Variants in ESRRB observed in about 807,000 individuals in gnomAD.
The protein encoded by ESRRB is estrogen related receptor beta, also known as steroid hormone receptor ERR2.
A neutral mutation model predicts 46.0 loss-of-function variants in ESRRB; 16 were observed. The observed-to-expected ratio is 0.35, with a 90% confidence interval of 0.24 to 0.53. The LOEUF is 0.53. Among genes scored for constraint, ESRRB ranks in the 20% least tolerant of loss-of-function variants. ESRRB has a pLI of 0.93. For synonymous variants in ESRRB, 246 were observed against 259.6 expected, an observed-to-expected ratio of 0.95 and a Z score of 0.50; for missense variants, 488 against 607.4, an observed-to-expected ratio of 0.80 and a Z score of 2.07.
In ESRRB at chr14:76,443,243, G is replaced by A. The variant is rs1887995199; in HGVS notation, c.460+3493G>A. ...GACCTCAGTTTTCTTAACTATCCCA[G>A]AAGGACCCCTTTACCATCTTTGTCA... On this transcript the variant is annotated intron_variant, in intron 2 of 6. Transcript: ENST00000644823. 3.9e-5 allele frequency among the ~76,000 whole-genome samples: 6 copies of A among 152,166 alleles called. No individual in the cohort carries two copies. In the South Asian group the frequency reaches 1.2e-3, roughly 32 times the overall value.
chr14:76,333,425 T>TG lies in ESRRB; in HGVS notation c.2+22509_2+22510insG, dbSNP rs1555389446. 9.5e-4 allele frequency among the ~76,000 whole-genome samples: 52 copies of TG among 54,916 alleles called. 6 individuals are homozygous for TG. The highest frequency in any genetic ancestry group is 3.0e-3 in the East Asian group (7 of 2,308). 36.0% of individuals were successfully genotyped at this position (54,916 alleles called of 152,430 possible). ...TTATATATGATATATTTATATCATA[T>TG]ATATATTTATATATGATATATAAGT... is the stretch of plus-strand genomic sequence containing the variant. On this transcript the variant is annotated intron_variant, in intron 1 of 6. Transcript: ENST00000512784.
intron 1 of ESRRB, among the ~76,000 whole-genome samples, chr14:76,406,880 G>A (rs1202251789): frequency 6.6e-6 from 1 of 152,252 alleles, no homozygotes; most frequent in African/African-American, 2.4e-5. Context: ...AGAGTCCTCT[G>A]TTATTGATTA....
upstream of ESRRB, among the ~76,000 whole-genome samples, chr14:76,368,875 A>C (rs1186260356): frequency 6.6e-6 from 1 of 152,170 alleles, no homozygotes. Context: ...GTCAGCCAGC[A>C]CTTTTCTCGT....
chr14:76,368,952 T>G (rs559638978), upstream of ESRRB, among the ~76,000 whole-genome samples: 1 of 152,208 alleles, frequency 6.6e-6, no homozygotes, highest in African/African-American at 2.4e-5. Flanking sequence ...ATCCCAGCAC[T>G]CTGGGAGGCC....
chr14:76,497,846 G>T (rs753855037), intron 6 of ESRRB, among the ~76,000 whole-genome samples: 1 of 152,112 alleles, frequency 6.6e-6, no homozygotes, highest in Non-Finnish European at 1.5e-5. Context: ...CTTGAGGTAG[G>T]CATGGCTATT....
At chr14:76,491,070 C>T (rs1385500135) in intron 5 of ESRRB, among the ~76,000 whole-genome samples, 2 of 152,326 alleles carry the variant, frequency 1.3e-5, no homozygotes, top group South Asian at 2.1e-4. Flanking sequence ...GCCGAGAGCA[C>T]GTACTGCTGC....
At chr14:76,388,450 G>T (rs1389733498) in intron 1 of ESRRB, among the ~76,000 whole-genome samples, 1 of 152,094 alleles carries the variant, frequency 6.6e-6, no homozygotes, top group African/African-American at 2.4e-5. Flanking sequence ...CTCCCAAAGT[G>T]CTGGGATTAC....
In ESRRB at chr14:76,501,026, C is replaced by T. The variant is rs1477677507; in HGVS notation, c.*2568C>T. 1 of 476,324 alleles carries T rather than the reference C, an allele frequency of 2.1e-6. No homozygotes were observed. Among genetic ancestry groups the T allele is most frequent in the African/African-American group, 1.9e-5 (1 of 51,400 alleles). The allele number at this position is 476,324 out of a possible 1,614,324, so 29.5% of individuals were successfully genotyped here. ...GCTGGAATCCTGGCCAGATGAGGAC[C>T]CTCTCCGGGGAAGGGAGAGGACTGA... On this transcript the variant is annotated 3_prime_UTR_variant, in exon 7 of 7. Coordinates refer to ENST00000644823, the MANE Select transcript of ESRRB (RefSeq NM_001379180.1).
intron 1 of ESRRB, among the ~76,000 whole-genome samples, chr14:76,432,116 T>C (rs1887472436): frequency 6.6e-6 from 1 of 152,216 alleles, no homozygotes. Flanking sequence ...TCTTCCCTCA[T>C]ACTTCTAAGT....
intron 5 of ESRRB, among the ~76,000 whole-genome samples, chr14:76,487,673 G>T (rs1482033801): frequency 6.6e-6 from 1 of 151,780 alleles, no homozygotes; most frequent in Non-Finnish European, 1.5e-5. Flanking sequence ...GCATGATCTT[G>T]GCTCACTGGA....
intron 1 of ESRRB, among the ~76,000 whole-genome samples, chr14:76,337,797 T>A (rs1456861469): frequency 6.6e-6 from 1 of 152,208 alleles, no homozygotes; most frequent in Non-Finnish European, 1.5e-5. Flanking sequence ...GAACACTGCC[T>A]CCTTTGCCCA....
intron 1 of ESRRB, among the ~76,000 whole-genome samples, chr14:76,380,127 C>T (rs988902911): frequency 5.3e-5 from 8 of 152,140 alleles, no homozygotes; most frequent in African/African-American, 1.9e-4. Context: ...GATAACTGGA[C>T]ATTTTGCCAA....
At position 76,462,602 on chromosome 14, in the gene ESRRB, G is replaced by A. The variant is rs770339996; in HGVS notation, c.518G>A (p.Arg173His). Residue 173 changes from arginine to histidine, a missense_variant, in exon 3 of 7, where the codon CGC (arginine) becomes CAC (histidine). Physicochemically the swap from Arg to His is conservative, Grantham distance 29 (BLOSUM62 0). Transcript: ENST00000644823. Reference sequence around the variant, plus strand: ...GAGTGCGAGATCACCAAACGGAGGCGCAAGTCCTGCCAGGCCTGCCGCTTC... The same window carrying A: ...GAGTGCGAGATCACCAAACGGAGGCACAAGTCCTGCCAGGCCTGCCGCTTC... ...TNECEITKRR[R>H]KSCQACRFMK... The A allele has an allele frequency of 2.5e-5, 40 of 1,614,086 alleles. No homozygotes were observed. Among genetic ancestry groups the A allele is most frequent in the South Asian group, 3.3e-5 (3 of 91,084 alleles).
intron 1 of ESRRB, among the ~76,000 whole-genome samples, chr14:76,396,058 A>G (rs1205938113): frequency 6.6e-6 from 1 of 152,178 alleles, no homozygotes; most frequent in Non-Finnish European, 1.5e-5. Context: ...CTGTAGTCCC[A>G]GCTACTCGGG....
chr14:76,441,187 G>C (rs1014033545), intron 2 of ESRRB, among the ~76,000 whole-genome samples: 5 of 152,204 alleles, frequency 3.3e-5, no homozygotes, highest in African/African-American at 1.2e-4. Context: ...CAAGTAGCTA[G>C]AACGACAGTC....
intron 1 of ESRRB, among the ~76,000 whole-genome samples, chr14:76,425,582 C>A (rs1887163677): frequency 1.3e-5 from 2 of 152,096 alleles, no homozygotes; most frequent in African/African-American, 2.4e-5. Flanking sequence ...CAACATAGAG[C>A]TTTCCCTGTG....
At chr14:76,442,816 CTTT>C (rs1245748328) in intron 2 of ESRRB, among the ~76,000 whole-genome samples, 2 of 131,068 alleles carry the variant, frequency 1.5e-5, no homozygotes, top group Non-Finnish European at 1.6e-5. Context: ...TCTTTTTTTT[CTTT>C]TTTTTTTTTT....
intron 1 of ESRRB, among the ~76,000 whole-genome samples, chr14:76,426,393 T>G (rs915096317): frequency 2.0e-5 from 3 of 152,228 alleles, no homozygotes; most frequent in African/African-American, 7.2e-5. Context: ...CCAGGGTGAC[T>G]GGGAAATGTA....
chr14:76,426,869 A>G (rs1887224487), intron 1 of ESRRB, among the ~76,000 whole-genome samples: 2 of 152,248 alleles, frequency 1.3e-5, no homozygotes, highest in Admixed American at 1.3e-4. Context: ...TGTCGCTACA[A>G]AAAAACAAAC....
Sources: gnomAD v4.1 joint callset for allele counts (sites outside exome capture counted in the v4.1 genomes callset) on GRCh38, gnomAD v4.1.1 for gene constraint, MANE v1.5 for transcripts, NCBI Gene and HGNC (gene_info 2026-07-23, HGNC 2026-07-21) for gene names.